Variants in SASS6 observed in about 807,000 individuals in gnomAD.
SASS6 encodes the protein spindle assembly abnormal protein 6 homolog.
In SASS6, 59 loss-of-function variants were observed where a neutral mutation model predicts 94.9. The observed-to-expected ratio is 0.62, with a 90% CI of 0.50 to 0.77. SASS6 has a LOEUF of 0.77. Among genes scored for constraint, SASS6 ranks in the 30% least tolerant of loss-of-function variants. SASS6 has a pLI of 0.00. For synonymous variants in SASS6, 264 were observed against 270.0 expected (o/e 0.98, Z 0.22); for missense variants, 698 against 734.1 (o/e 0.95, Z 0.57).
Position 100,132,418 on chromosome 1 carries a change from A to AT in SASS6, c.65+331dup, listed in dbSNP as rs556018771. Among the ~76,000 whole-genome samples the AT allele has an allele frequency of 2.9e-3, 437 of 152,026 alleles. 2 individuals are homozygous for AT. The highest frequency in any genetic ancestry group is 3.8e-3 in the Non-Finnish European group (260 of 67,974). On this transcript the variant is annotated intron_variant, in intron 1 of 16. Coordinates refer to ENST00000287482, the MANE Select transcript of SASS6 (RefSeq NM_194292.3). ...GAACTGGCTGTGAGCCCTCACGTAA[A>AT]TTTTTTTAACTTCTCTGGGCCAGAG... is the stretch of plus-strand genomic sequence containing the variant.
chr1:100,119,495 T>C (rs530223260), intron 6 of SASS6, among the ~76,000 whole-genome samples: 15 of 152,250 alleles, frequency 9.9e-5, no homozygotes, highest in Non-Finnish European at 2.2e-4. Context: ...GGCCACATTG[T>C]GCAGGGGTAT....
chr1:100,086,472 A>G (rs752599423), intron 15 of SASS6, among the ~76,000 whole-genome samples: 20 of 151,790 alleles, frequency 1.3e-4, no homozygotes, highest in Non-Finnish European at 8.8e-5. Context: ...TACGATTGTC[A>G]TATTTTCTGC....
At chr1:100,131,872 C>T (rs1655063100) in intron 1 of SASS6, among the ~76,000 whole-genome samples, 1 of 152,218 alleles carries the variant, frequency 6.6e-6, no homozygotes. Flanking sequence ...CAAAAGATTT[C>T]ACACCTGATC....
At chr1:100,115,645 T>C (rs1194654832) in intron 7 of SASS6, among the ~76,000 whole-genome samples, 1 of 152,024 alleles carries the variant, frequency 6.6e-6, no homozygotes, top group Non-Finnish European at 1.5e-5. Flanking sequence ...GTGGGCAACA[T>C]AGTGAAACCC....
intron 14 of SASS6, among the ~76,000 whole-genome samples, chr1:100,100,013 T>A (rs1031575799): frequency 2.0e-5 from 3 of 152,154 alleles, no homozygotes; most frequent in Non-Finnish European, 2.9e-5. Flanking sequence ...ATGCCTGTAA[T>A]CCCACCACTT....
In SASS6 at chr1:100,121,485, C is replaced by A; in HGVS notation, c.376G>T (p.Val126Leu). The A allele has an allele frequency of 1.3e-6, 2 of 1,597,696 alleles. No individual in the cohort carries two copies. Among genetic ancestry groups the A allele is most frequent in the South Asian group, 1.1e-5 (1 of 89,110 alleles). ...LDNSPAFLNV[V>L]ETNPFKHLTH... ...AGATGCTTAAAAGGATTTGTCTCTA[C>A]CACATTTAAAAATGCAGGTGAGTTA... The change falls in exon 5 of 17, where the codon GTA becomes TTA. Residue 126 changes from valine to leucine, a missense_variant. By Grantham distance (32) the Val-to-Leu change is conservative. Transcript: ENST00000287482.
At chr1:100,123,014 T>G (rs1654315897) in intron 3 of SASS6, among the ~76,000 whole-genome samples, 196 bp downstream of exon 3, 1 of 152,142 alleles carries the variant, frequency 6.6e-6, no homozygotes, top group Non-Finnish European at 1.5e-5. Context: ...ACTTCACAGG[T>G]GTTTTAAGCA....
chr1:100,121,518 T>C lies in SASS6; in HGVS notation c.343A>G (p.Ile115Val). The C allele has an allele frequency of 2.5e-6, 4 of 1,599,794 alleles. No individual in the cohort carries two copies. The highest frequency in any genetic ancestry group is 1.7e-4 in the Middle Eastern group (1 of 6,028). ...FLLQLVSPAA[I>V]LDNSPAFLNV... ...AAAAATGCAGGTGAGTTATCCAAAA[T>C]AGCTGCTGGAGAAACTAACTGTAGC... Residue 115 changes from isoleucine (I) to valine (V), a missense_variant, in exon 5 of 17, where the codon ATT (isoleucine) becomes GTT (valine). By Grantham distance (29) the Ile-to-Val change is conservative. Coordinates refer to ENST00000287482, the MANE Select transcript of SASS6 (RefSeq NM_194292.3).
At chr1:100,101,960 T>C (rs1381927145) in intron 14 of SASS6, among the ~76,000 whole-genome samples, 2 of 152,222 alleles carry the variant, frequency 1.3e-5, no homozygotes, top group Non-Finnish European at 2.9e-5. Context: ...CAATTTTATC[T>C]TTTATACAAT....
At chr1:100,114,165 T>C (rs1009397337) in intron 7 of SASS6, among the ~76,000 whole-genome samples, 4 of 152,148 alleles carry the variant, frequency 2.6e-5, no homozygotes, top group African/African-American at 4.8e-5. Context: ...AGGTGAGTGA[T>C]CCAAATGGTG....
At chr1:100,099,891 A>G (rs1165454517) in intron 14 of SASS6, among the ~76,000 whole-genome samples, 6 of 152,258 alleles carry the variant, frequency 3.9e-5, no homozygotes, top group Non-Finnish European at 8.8e-5. Context: ...AGATAAATCA[A>G]TCATCTGGCC....
chr1:100,122,341 G>A, intron 4 of SASS6, 39 bp downstream of exon 4: 1 of 885,704 alleles, frequency 1.1e-6, no homozygotes, highest in South Asian at 1.5e-5. Flanking sequence ...AGTCTGTCTT[G>A]AATTAAATTT....
At chr1:100,115,720 T>C (rs1000064848) in intron 7 of SASS6, among the ~76,000 whole-genome samples, 4 of 152,042 alleles carry the variant, frequency 2.6e-5, no homozygotes, top group African/African-American at 9.7e-5. Flanking sequence ...CCCAGCTACT[T>C]TGGAAGCAGA....
At chr1:100,112,557 C>T (rs887743630) in intron 7 of SASS6, among the ~76,000 whole-genome samples, 20 of 152,038 alleles carry the variant, frequency 1.3e-4, no homozygotes, top group African/African-American at 4.3e-4. Context: ...CAAATTTGCC[C>T]TATTAAAATG....
intron 1 of SASS6, among the ~76,000 whole-genome samples, chr1:100,127,855 C>G (rs560172002): frequency 2.2e-4 from 34 of 151,896 alleles, no homozygotes; most frequent in Non-Finnish European, 4.6e-4. Flanking sequence ...ACTCAGTTTC[C>G]GAACTTGTAA....
chr1:100,125,222 A>AGTGTGTGTGTGTGTGTGTGTGTGTGTGT (rs59388922), intron 2 of SASS6, among the ~76,000 whole-genome samples: 8 of 143,664 alleles, frequency 5.6e-5, no homozygotes, highest in African/African-American at 1.8e-4. Context: ...ACAAGGCAGC[A>AGTGTGTGTGTGTGTGTGTGTGTGTGTGT]GTGTGTGTGT....
chr1:100,121,654 T>C (rs767775299), intron 4 of SASS6, 105 bp from the exon 5 acceptor site: 3 of 655,314 alleles, frequency 4.6e-6, no homozygotes, highest in Non-Finnish European at 7.9e-6. Context: ...AGGGAGCACA[T>C]TGAGGACTCC....
chr1:100,132,685 G>C, intron 1 of SASS6, 65 bp downstream of exon 1: 2 of 1,325,128 alleles, frequency 1.5e-6, no homozygotes, highest in Non-Finnish European at 2.2e-6. Context: ...GGCCAGAACC[G>C]CCATCTTTCC....
intron 14 of SASS6, 117 bp downstream of exon 14, chr1:100,102,838 T>C (rs1652603561): frequency 2.7e-6 from 2 of 729,332 alleles, no homozygotes; most frequent in African/African-American, 3.5e-5. Flanking sequence ...TCTAATACAC[T>C]ACCTACTACT....
Sources: gnomAD v4.1 joint callset for allele counts (sites outside exome capture counted in the v4.1 genomes callset) on GRCh38, gnomAD v4.1.1 for gene constraint, MANE v1.5 for transcripts, NCBI Gene and HGNC (gene_info 2026-07-23, HGNC 2026-07-21) for gene names.